VIP: variants seen among roughly 807,000 people sequenced by gnomAD.
VIP encodes the protein VIP peptides.
Under a neutral mutation model 20.1 loss-of-function variants are expected in VIP, and 18 were observed. The ratio of observed to expected loss-of-function variants is 0.90; its 90% confidence interval spans 0.62 to 1.33. The LOEUF (loss-of-function observed/expected upper bound fraction) is 1.33, where lower values mean the gene tolerates loss of function less well. VIP is among the 40% of genes most tolerant of loss of function. The pLI is 0.00. For synonymous variants in VIP, 70 were observed against 68.1 expected, an observed-to-expected ratio of 1.03 and a Z score of -0.14; for missense variants, 209 against 199.4, an observed-to-expected ratio of 1.05 and a Z score of -0.29.
In VIP at chr6:152,754,257, G is replaced by A. The variant is rs1191499405; in HGVS notation, c.199G>A (p.Glu67Lys). Residue 67 changes from glutamate to lysine, a missense_variant, in exon 3 of 7, where the codon GAA becomes AAA. Physicochemically the swap from Glu to Lys is moderately conservative, Grantham distance 56 (BLOSUM62 1). Coordinates refer to ENST00000367244, the MANE Select transcript of VIP (RefSeq NM_003381.4). Reference protein sequence around the residue: ...DIDMLQNALAENDTPYYDVSR... With the variant: ...DIDMLQNALAKNDTPYYDVSR... ...TGACATGTTGCAAAATGCATTAGCT[G>A]AAAATGACACACCCTATTATGATGT... The A allele has an allele frequency of 6.2e-7, 1 of 1,611,214 alleles. No individual in the cohort carries two copies. Among genetic ancestry groups the A allele is most frequent in the Non-Finnish European group, 8.5e-7 (1 of 1,178,378 alleles).
At chr6:152,754,953 T>A (rs975879182) in intron 3 of VIP, among the ~76,000 whole-genome samples, 1 of 151,932 alleles carries the variant, frequency 6.6e-6, no homozygotes, top group African/African-American at 2.4e-5. Context: ...TTTAAATAGA[T>A]CATATTTTTA....
intron 4 of VIP, among the ~76,000 whole-genome samples, chr6:152,755,811 TG>T (rs1316390722): frequency 3.3e-5 from 5 of 151,130 alleles, no homozygotes; most frequent in African/African-American, 1.2e-4. Context: ...GAAGTAATTA[TG>T]TTTTTTTTAA....
chr6:152,756,256 G>T lies in VIP; in HGVS notation c.458G>T (p.Gly153Val). The T allele has an allele frequency of 2.5e-6, 4 of 1,605,678 alleles. No individual in the cohort carries two copies. Among genetic ancestry groups the T allele is most frequent in the Non-Finnish European group, 3.4e-6 (4 of 1,176,690 alleles). ...VKKYLNSILN[G>V]KRSSEGESPD... Reference sequence around the variant, plus strand: ...AAATATTTGAACTCAATTCTGAATGGAAAGAGGAGGTAAAGAAAAAGAGAA... The same window carrying T: ...AAATATTTGAACTCAATTCTGAATGTAAAGAGGAGGTAAAGAAAAAGAGAA... The change falls in exon 5 of 7, where the codon GGA (glycine) becomes GTA (valine). Residue 153 changes from glycine to valine, a missense_variant. Coordinates refer to ENST00000367244, the MANE Select transcript of VIP (RefSeq NM_003381.4).
At chr6:152,751,934 C>T (rs781190966) in intron 1 of VIP, among the ~76,000 whole-genome samples, 2 of 152,144 alleles carry the variant, frequency 1.3e-5, no homozygotes, top group Non-Finnish European at 2.9e-5. Context: ...ATACTGGGGC[C>T]AACCATGTGC....
intron 6 of VIP, 125 bp downstream of exon 6, chr6:152,757,309 G>C: frequency 1.6e-6 from 1 of 619,938 alleles, no homozygotes; most frequent in Non-Finnish European, 2.8e-6. Context: ...CCTCATCCAA[G>C]ACAGACACTT....
intron 6 of VIP, among the ~76,000 whole-genome samples, chr6:152,757,562 T>A (rs1034629601): frequency 2.0e-5 from 3 of 151,908 alleles, no homozygotes; most frequent in African/African-American, 7.2e-5. Flanking sequence ...TAATTGAAGG[T>A]TTAGTCTCAC....
Position 152,750,895 on chromosome 6 carries a change from C to T in VIP, c.-75C>T, listed in dbSNP as rs981540852. The T allele has an allele frequency of 6.6e-6, 1 of 152,228 alleles. No homozygotes were observed. The highest frequency in any genetic ancestry group is 1.5e-5 in the Non-Finnish European group (1 of 68,086). 9.4% of individuals were successfully genotyped at this position (152,228 alleles called of 1,614,324 possible). On this transcript the variant is annotated 5_prime_UTR_variant, in exon 1 of 7. Coordinates refer to ENST00000367244, the MANE Select transcript of VIP (RefSeq NM_003381.4). ...AGCCTTTCTCTTACTCCCAGGACTTCAGCACCTAAGACAGCTCCAAAACAA... is the reference window on the plus strand; with the variant it reads ...AGCCTTTCTCTTACTCCCAGGACTTTAGCACCTAAGACAGCTCCAAAACAA...
At position 152,759,636 on chromosome 6, in the gene VIP, A is replaced by T. The variant is rs577039496; in HGVS notation, c.*770A>T. On this transcript the variant is annotated 3_prime_UTR_variant, in exon 7 of 7. Transcript: ENST00000367244. ...AATAATAAATATTTTTGCCATAATG[A>T]CTCAGAATATTGCTTTGGTCATATG... 1.3e-5 allele frequency: 2 copies of T among 151,922 alleles called. No individual in the cohort carries two copies. The highest frequency in any genetic ancestry group is 2.9e-5 in the Non-Finnish European group (2 of 67,942). The allele number at this position is 151,922 out of a possible 1,614,324, so 9.4% of individuals were successfully genotyped here.
chr6:152,759,056 G>A lies in VIP; in HGVS notation c.*190G>A, dbSNP rs970636827. ...TTCTAGCTAATGTAATAACTGTGAA[G>A]TTTACATTGTAAATAGTATTTGAGA... On this transcript the variant is annotated 3_prime_UTR_variant, in exon 7 of 7. Transcript: ENST00000367244. 3 of 152,340 alleles carry A rather than the reference G, an allele frequency of 2.0e-5. No individual in the cohort carries two copies. In the Admixed American group the frequency reaches 2.0e-4, roughly 10 times the overall value. 9.4% of individuals were successfully genotyped at this position (152,340 alleles called of 1,614,324 possible).
chr6:152,754,970 T>C (rs1167770882), intron 3 of VIP, among the ~76,000 whole-genome samples: 2 of 151,986 alleles, frequency 1.3e-5, no homozygotes, highest in Non-Finnish European at 2.9e-5. Flanking sequence ...TTTACACCAA[T>C]ATTTCTTAGA....
chr6:152,752,327 A>C, intron 2 of VIP, 43 bp downstream of exon 2: 1 of 1,488,944 alleles, frequency 6.7e-7, no homozygotes, highest in Non-Finnish European at 9.3e-7. Flanking sequence ...TTCCTTCCTC[A>C]TCTAAATGGG....
At chr6:152,756,996 C>G in intron 5 of VIP, 100 bp from the exon 6 acceptor site, 1 of 1,130,748 alleles carries the variant, frequency 8.8e-7, no homozygotes, top group South Asian at 1.6e-5. Context: ...CATACACTTT[C>G]AGAGCACAGA....
chr6:152,754,986 A>G (rs1432092122), intron 3 of VIP, among the ~76,000 whole-genome samples: 1 of 152,020 alleles, frequency 6.6e-6, no homozygotes, highest in Admixed American at 6.6e-5. Context: ...TTAGAAAGAA[A>G]TAGTTATAAA....
intron 6 of VIP, 59 bp downstream of exon 6, chr6:152,757,243 G>A: frequency 8.8e-7 from 1 of 1,136,976 alleles, no homozygotes; most frequent in Non-Finnish European, 1.3e-6. Flanking sequence ...TATATAAGTA[G>A]CTAAGAGTCA....
At chr6:152,756,430 G>T (rs1179342716) in intron 5 of VIP, among the ~76,000 whole-genome samples, 165 bp downstream of exon 5, 5 of 151,814 alleles carry the variant, frequency 3.3e-5, no homozygotes, top group Non-Finnish European at 7.4e-5. Flanking sequence ...TAAAAATACA[G>T]ATGTCTGGGC....
chr6:152,755,392 T>G lies in VIP; in HGVS notation c.335+19T>G, dbSNP rs756460744. ...GTGTTAGGTAAAGAGAATTTATTAT[T>G]TTTATAAAATATGTTATCATTATTC... On this transcript the variant is annotated intron_variant, in intron 4 of 6. Coordinates refer to ENST00000367244, the MANE Select transcript of VIP (RefSeq NM_003381.4). 17 of 1,359,108 alleles carry G rather than the reference T, an allele frequency of 1.3e-5. No homozygotes were observed. The East Asian group carries it at 2.8e-4, about 22-fold the overall frequency. The allele number at this position is 1,359,108 out of a possible 1,614,324, so 84.2% of individuals were successfully genotyped here.
chr6:152,753,707 C>G (rs956233998), intron 2 of VIP, among the ~76,000 whole-genome samples: 1 of 152,016 alleles, frequency 6.6e-6, no homozygotes, highest in Non-Finnish European at 1.5e-5. Flanking sequence ...ATACTCTGTT[C>G]TTCAGAGATG....
At position 152,756,243 on chromosome 6, in the gene VIP, T is replaced by C; in HGVS notation, c.445T>C (p.Ser149Pro). ...AATGGCTGTAAAGAAATATTTGAAC[T>C]CAATTCTGAATGGAAAGAGGAGGTA... is the stretch of plus-strand genomic sequence containing the variant. Reference protein sequence around the residue: ...KQMAVKKYLNSILNGKRSSEG... With the variant: ...KQMAVKKYLNPILNGKRSSEG... Residue 149 changes from serine (S) to proline (P), a missense_variant, in exon 5 of 7, where the codon TCA (serine) becomes CCA (proline). Coordinates refer to ENST00000367244, the MANE Select transcript of VIP (RefSeq NM_003381.4). 1.9e-6 allele frequency: 3 copies of C among 1,610,386 alleles called. No homozygotes were observed. The South Asian group carries it at 3.3e-5, about 18-fold the overall frequency.
Position 152,752,150 on chromosome 6 carries a change from G to T in VIP, c.-10-18G>T. On this transcript the variant is annotated intron_variant, in intron 1 of 6. Coordinates refer to ENST00000367244, the MANE Select transcript of VIP (RefSeq NM_003381.4). ...GACATCTTTGGCTGGAAGAACTGAG[G>T]TGATTCTCTCTCTTTAGAGGCACAG... 2 of 1,587,166 alleles carry T rather than the reference G, an allele frequency of 1.3e-6. No homozygotes were observed. Among genetic ancestry groups the T allele is most frequent in the Non-Finnish European group, 8.6e-7 (1 of 1,156,374 alleles).
Sources: gnomAD v4.1 joint callset for allele counts (sites outside exome capture counted in the v4.1 genomes callset) on GRCh38, gnomAD v4.1.1 for gene constraint, MANE v1.5 for transcripts, NCBI Gene and HGNC (gene_info 2026-07-23, HGNC 2026-07-21) for gene names.